Variants in TMEM117 observed in about 807,000 individuals in gnomAD.
TMEM117 encodes the protein transmembrane protein 117.
TMEM117 carries 27 observed loss-of-function variants against 52.4 expected under a neutral mutation model. That is an observed-to-expected ratio of 0.51 (90% confidence interval 0.38 to 0.71). The LOEUF is 0.71. TMEM117 is among the 30% of genes least tolerant of loss of function. The pLI is 0.00. For synonymous variants in TMEM117, 215 were observed against 206.3 expected, an observed-to-expected ratio of 1.04 and a Z score of -0.36; for missense variants, 556 against 630.5, an observed-to-expected ratio of 0.88 and a Z score of 1.26.
At chr12:44,271,625 A>T (rs1950446915) in intron 5 of TMEM117, among the ~76,000 whole-genome samples, 1 of 152,070 alleles carries the variant, frequency 6.6e-6, no homozygotes, top group Admixed American at 6.6e-5. Context: ...GGTCTTAAAG[A>T]TAAGACCTGA....
chr12:44,086,932 TATAATTATAAATTATATAATATATAATTA>T (rs1240243421), intron 3 of TMEM117, among the ~76,000 whole-genome samples: 40 of 146,870 alleles, frequency 2.7e-4, no homozygotes, highest in South Asian at 1.3e-3. Context: ...ATTATGACTT[TATAATTATAAATTATATAATATATAATTA>T]ATAATTATAA....
At chr12:44,252,746 C>T (rs1950210582) in intron 5 of TMEM117, among the ~76,000 whole-genome samples, 1 of 152,160 alleles carries the variant, frequency 6.6e-6, no homozygotes, top group Non-Finnish European at 1.5e-5. Flanking sequence ...CCTTATTGAA[C>T]CCTCCAAGCT....
the TMEM117 span, chr12:43,797,894 A>C: frequency 6.5e-7 from 1 of 1,538,038 alleles, no homozygotes; most frequent in South Asian, 1.2e-5. Context: ...GGCAAACATA[A>C]GAAAACCCAA....
chr12:44,041,908 T>G (rs181970032), intron 3 of TMEM117, among the ~76,000 whole-genome samples: 154 of 152,308 alleles, frequency 1.0e-3, no homozygotes, highest in Non-Finnish European at 1.6e-3. Context: ...TTTCAAAAGC[T>G]GGAAGCATTT....
chr12:44,248,759 G>T, intron 5 of TMEM117: 1 of 172,418 alleles, frequency 5.8e-6, no homozygotes, highest in Non-Finnish European at 1.3e-5. Context: ...GCACCAGGGT[G>T]CCCCAACACC....
intron 5 of TMEM117, among the ~76,000 whole-genome samples, chr12:44,226,788 G>C (rs933349584): frequency 6.6e-6 from 1 of 152,042 alleles, no homozygotes; most frequent in Admixed American, 6.6e-5. Context: ...CAGGGAGAGA[G>C]GCCTCAGAAG....
chr12:44,006,696 A>T (rs984644895), intron 3 of TMEM117, among the ~76,000 whole-genome samples: 2 of 152,190 alleles, frequency 1.3e-5, no homozygotes, highest in African/African-American at 4.8e-5. Context: ...ATAACCAGAT[A>T]CATACATATA....
chr12:44,211,261 T>G, intron 4 of TMEM117, 29 bp from the exon 5 acceptor site: 1 of 1,409,288 alleles, frequency 7.1e-7, no homozygotes, highest in Non-Finnish European at 1.0e-6. Flanking sequence ...TTTCTGAAAG[T>G]GCTGAATAAG....
chr12:44,099,932 A>G (rs995567731), intron 3 of TMEM117, among the ~76,000 whole-genome samples: 4 of 151,346 alleles, frequency 2.6e-5, no homozygotes, highest in Non-Finnish European at 5.9e-5. Flanking sequence ...ATGACCTGAT[A>G]TTGCTTTAAT....
At chr12:44,157,992 T>C (rs1948850028) in intron 4 of TMEM117, among the ~76,000 whole-genome samples, 1 of 152,168 alleles carries the variant, frequency 6.6e-6, no homozygotes, top group African/African-American at 2.4e-5. Flanking sequence ...CTCATCCAAA[T>C]AGTTTTCTTG....
At chr12:44,010,294 C>T in intron 3 of TMEM117, 1 of 453,686 alleles carries the variant, frequency 2.2e-6, no homozygotes, top group South Asian at 1.6e-5. Flanking sequence ...CTGGAGGCCA[C>T]TTTCCTCTTT....
intron 3 of TMEM117, among the ~76,000 whole-genome samples, chr12:44,050,930 G>A (rs1342598852): frequency 2.4e-4 from 37 of 152,176 alleles, no homozygotes; most frequent in Non-Finnish European, 1.5e-5. Context: ...CTGATGGCAG[G>A]TATTAAGGAT....
At chr12:43,837,723 A>G (rs1943056025) in intron 1 of TMEM117, among the ~76,000 whole-genome samples, 1 of 152,222 alleles carries the variant, frequency 6.6e-6, no homozygotes, top group South Asian at 2.1e-4. Flanking sequence ...TTATATTTTA[A>G]TTTTATAATG....
intron 5 of TMEM117, among the ~76,000 whole-genome samples, chr12:44,217,529 A>G (rs1461590091): frequency 2.6e-5 from 4 of 152,188 alleles, no homozygotes; most frequent in Non-Finnish European, 4.4e-5. Flanking sequence ...TTTCTTTAGA[A>G]TAAGGGATAA....
the TMEM117 span, chr12:43,804,714 G>A: frequency 3.8e-6 from 2 of 532,492 alleles, no homozygotes; most frequent in East Asian, 3.4e-5. Flanking sequence ...AAACTTTACC[G>A]CATAAAATAA....
chr12:44,388,584 A>G lies in TMEM117; in HGVS notation c.1457A>G (p.Glu486Gly). The G allele has an allele frequency of 6.2e-7, 1 of 1,613,502 alleles. No individual in the cohort carries two copies. Among genetic ancestry groups the G allele is most frequent in the Non-Finnish European group, 8.5e-7 (1 of 1,179,588 alleles). Residue 486 changes from glutamate (E) to glycine (G), a missense_variant, in exon 8 of 8, where the codon GAA (glutamate) becomes GGA (glycine). By Grantham distance (98) the Glu-to-Gly change is moderately conservative. Coordinates refer to ENST00000266534, the MANE Select transcript of TMEM117 (RefSeq NM_032256.3). Reference sequence around the variant, plus strand: ...TACAAGTCTTCCCACCTAACCTCGGAAAACTTGAGCTCACAGTTGAACGAA... The same window carrying G: ...TACAAGTCTTCCCACCTAACCTCGGGAAACTTGAGCTCACAGTTGAACGAA... Reference protein sequence around the residue: ...IVYKSSHLTSENLSSQLNEST... With the variant: ...IVYKSSHLTSGNLSSQLNEST...
At chr12:43,824,528 G>C in the TMEM117 span, among the ~76,000 whole-genome samples, 1 of 152,194 alleles carries the variant, frequency 6.6e-6, no homozygotes, top group Non-Finnish European at 1.5e-5. Context: ...GGTGGAGCCT[G>C]TTTCATGTGA....
the TMEM117 span, among the ~76,000 whole-genome samples, chr12:43,803,653 A>G: frequency 6.6e-6 from 1 of 152,106 alleles, no homozygotes; most frequent in African/African-American, 2.4e-5. Flanking sequence ...GGCATTAAAA[A>G]TTTTAGCTCA....
At chr12:43,912,242 C>G (rs1944517405) in intron 2 of TMEM117, among the ~76,000 whole-genome samples, 1 of 141,530 alleles carries the variant, frequency 7.1e-6, no homozygotes, top group African/African-American at 2.5e-5. Context: ...TAAACTATCG[C>G]AAAAACAAAA....
Sources: gnomAD v4.1 joint callset for allele counts (sites outside exome capture counted in the v4.1 genomes callset) on GRCh38, gnomAD v4.1.1 for gene constraint, MANE v1.5 for transcripts, NCBI Gene and HGNC (gene_info 2026-07-23, HGNC 2026-07-21) for gene names.